SLC8A1: variants seen among roughly 807,000 people sequenced by gnomAD.
SLC8A1 encodes sodium/calcium exchanger 1.
Under a neutral mutation model 68.3 loss-of-function variants are expected in SLC8A1, and 18 were observed. That is an observed-to-expected ratio of 0.26 (90% CI 0.18 to 0.39). The LOEUF (loss-of-function observed/expected upper bound fraction) is 0.39, where lower values mean the gene tolerates loss of function less well. Among genes scored for constraint, SLC8A1 ranks in the 10% least tolerant of loss-of-function variants. The probability of loss-of-function intolerance (pLI) is 1.00; values close to 1 mark genes in which losing one functional copy is unlikely to be tolerated. For synonymous variants in SLC8A1, 475 were observed against 415.5 expected (o/e 1.14, Z -1.74); for missense variants, 985 against 1,156.7 (o/e 0.85, Z 2.15).
intron 1 of SLC8A1, among the ~76,000 whole-genome samples, chr2:40,436,047 G>A (rs1300680878): frequency 6.6e-6 from 1 of 151,572 alleles, no homozygotes; most frequent in African/African-American, 2.4e-5. Context: ...TGGGATTACA[G>A]GCATGAACCA....
intron 2 of SLC8A1, among the ~76,000 whole-genome samples, chr2:40,411,851 A>T (rs1416337986): frequency 6.6e-6 from 1 of 152,094 alleles, no homozygotes; most frequent in African/African-American, 2.4e-5. Flanking sequence ...AAAATTTCTT[A>T]TATTGGGTAT....
chr2:40,381,107 A>G (rs182638043), intron 2 of SLC8A1, among the ~76,000 whole-genome samples: 99 of 152,146 alleles, frequency 6.5e-4, no homozygotes, highest in African/African-American at 2.3e-3. Context: ...GGCAAGCCAA[A>G]TTTTCTAGAT....
At chr2:40,445,041 A>G (rs545378678) in intron 1 of SLC8A1, among the ~76,000 whole-genome samples, 1 of 152,340 alleles carries the variant, frequency 6.6e-6, no homozygotes, top group African/African-American at 2.4e-5. Context: ...TTATATCTTC[A>G]GTAATGAGCT....
exon 8 of SLC8A1, chr2:40,098,865 C>T (rs1436835256): frequency 6.6e-6 from 1 of 151,960 alleles, no homozygotes; most frequent in Non-Finnish European, 1.5e-5. Context: ...AGAAGATAAT[C>T]TACATTTTAC....
intron 2 of SLC8A1, among the ~76,000 whole-genome samples, chr2:40,415,726 C>T (rs1208193080): frequency 4.6e-5 from 7 of 151,970 alleles, no homozygotes; most frequent in Non-Finnish European, 1.5e-5. Context: ...GCCTGTTATC[C>T]CAGCACTTTG....
chr2:40,223,322 C>T (rs2058578186), intron 2 of SLC8A1, among the ~76,000 whole-genome samples: 1 of 152,028 alleles, frequency 6.6e-6, no homozygotes, highest in South Asian at 2.1e-4. Flanking sequence ...ACAATGAGAA[C>T]ACATGGACAC....
intron 4 of SLC8A1, among the ~76,000 whole-genome samples, chr2:40,169,818 A>G (rs1338378592): frequency 3.3e-5 from 5 of 152,126 alleles, no homozygotes; most frequent in African/African-American, 4.8e-5. Context: ...GTACACACCT[A>G]TAGTCCTAGC....
In SLC8A1 at chr2:40,430,370, A is replaced by G. The variant is rs1576433599; in HGVS notation, c.-24-66T>C. On this transcript the variant is annotated intron_variant, in intron 1 of 7. Coordinates refer to ENST00000406785, the Ensembl canonical transcript of SLC8A1. ...ATGTCATTAGAGCTGCAGCCAAAGCATTACTAATTACTTATTTTTATTACT... is the reference window on the plus strand; with the variant it reads ...ATGTCATTAGAGCTGCAGCCAAAGCGTTACTAATTACTTATTTTTATTACT... 9 of 1,428,844 alleles carry G rather than the reference A, an allele frequency of 6.3e-6. No individual in the cohort carries two copies. The East Asian group carries it at 1.9e-4, about 31-fold the overall frequency. The allele number at this position is 1,428,844 out of a possible 1,614,324, so 88.5% of individuals were successfully genotyped here.
In SLC8A1 at chr2:40,429,178, G is replaced by A. The variant is rs150456883; in HGVS notation, c.1103C>T (p.Ala368Val). 591 of 1,613,688 alleles carry A rather than the reference G, an allele frequency of 3.7e-4. 2 individuals are homozygous for A. The African/African-American group carries it at 7.0e-3, about 19-fold the overall frequency. ...GCCAGCTCCAGTCATGAGGCGAGTA[G>A]CTTGAATGCGATAAAATGCTCTACT... Residue 368 changes from alanine (A) to valine (V), a missense_variant, in exon 2 of 8, where the codon GCT becomes GTT. By Grantham distance (64) the Ala-to-Val change is moderately conservative (BLOSUM62 0). Around this residue, in one of 5 missense-constraint regions of SLC8A1, gnomAD observed 584 missense variants for 565.9 expected, o/e 1.03. Coordinates refer to ENST00000406785, the Ensembl canonical transcript of SLC8A1.
chr2:40,430,006 A>G, exon 2 of SLC8A1: 3 of 1,613,676 alleles, frequency 1.9e-6, no homozygotes, highest in Non-Finnish European at 2.5e-6. Context: ...TATGATAGAG[A>G]CTCCAAGAAA....
intron 2 of SLC8A1, among the ~76,000 whole-genome samples, chr2:40,425,065 G>A (rs1696498310): frequency 6.6e-6 from 1 of 151,886 alleles, no homozygotes; most frequent in African/African-American, 2.4e-5. Context: ...ACATTAGACA[G>A]AATTCCCTGT....
chr2:40,117,418 A>G (rs1330438089), intron 7 of SLC8A1, among the ~76,000 whole-genome samples: 1 of 105,572 alleles, frequency 9.5e-6, no homozygotes, highest in South Asian at 3.6e-4. Flanking sequence ...AAAAAAAAAA[A>G]GCCAGGCGTG....
At chr2:40,156,316 C>T (rs920752830) in intron 6 of SLC8A1, among the ~76,000 whole-genome samples, 2 of 151,120 alleles carry the variant, frequency 1.3e-5, no homozygotes, top group East Asian at 3.9e-4. Flanking sequence ...AAATTCTTTG[C>T]CAAGATTATA....
chr2:40,357,018 C>G (rs1221890946), intron 2 of SLC8A1, among the ~76,000 whole-genome samples: 1 of 152,138 alleles, frequency 6.6e-6, no homozygotes, highest in Non-Finnish European at 1.5e-5. Context: ...ATAAACTGCT[C>G]TCAGTCTGCC....
At chr2:40,147,287 T>C (rs1254340424) in intron 6 of SLC8A1, among the ~76,000 whole-genome samples, 1 of 152,180 alleles carries the variant, frequency 6.6e-6, no homozygotes, top group Admixed American at 6.5e-5. Context: ...TTAATGTAAT[T>C]AGTCATGTGT....
In SLC8A1 at chr2:40,139,020, A is replaced by G. The variant is rs115029422; in HGVS notation, c.2437+381T>C. Among the ~76,000 whole-genome samples, 1,493 of 152,346 alleles carry G rather than the reference A, an allele frequency of 9.8e-3. 20 individuals are homozygous for G. Among genetic ancestry groups the G allele is most frequent in the African/African-American group, 0.034 (1,414 of 41,590 alleles). ...ATACAGTTTCATAGAGATCATTAAA[A>G]TGTACCAAGTATATAAAAGACAGAA... On this transcript the variant is annotated intron_variant, in intron 7 of 7. Transcript: ENST00000406785.
chr2:40,366,779 T>TC (rs1223461798), intron 2 of SLC8A1, among the ~76,000 whole-genome samples: 1 of 151,826 alleles, frequency 6.6e-6, no homozygotes, highest in Non-Finnish European at 1.5e-5. Flanking sequence ...GCTTTTTTTT[T>TC]TCACAAATGC....
At chr2:40,353,723 T>C (rs1162604774) in intron 2 of SLC8A1, among the ~76,000 whole-genome samples, 1 of 152,200 alleles carries the variant, frequency 6.6e-6, no homozygotes, top group Non-Finnish European at 1.5e-5. Context: ...TCTCCCAAAG[T>C]CATCTTCTGC....
intron 2 of SLC8A1, among the ~76,000 whole-genome samples, chr2:40,329,784 C>A (rs10178364): frequency 6.6e-6 from 1 of 152,062 alleles, no homozygotes; most frequent in African/African-American, 2.4e-5. Context: ...GCAAGTATTC[C>A]TCAATCCCAT....
Sources: allele counts gnomAD v4.1 joint callset (sites outside exome capture counted in the v4.1 genomes callset), GRCh38; gene constraint gnomAD v4.1.1; regional missense constraint gnomAD v4.1.1; transcripts MANE v1.5; gene names NCBI Gene and HGNC (gene_info 2026-07-23, HGNC 2026-07-21).